STXBP6: variants seen among roughly 807,000 people sequenced by gnomAD.
The protein encoded by STXBP6 is syntaxin-binding protein 6.
Under a neutral mutation model 26.9 loss-of-function variants are expected in STXBP6, and 21 were observed. The ratio of observed to expected loss-of-function variants is 0.78; its 90% CI spans 0.55 to 1.12. STXBP6 has a LOEUF of 1.12. Ranked by LOEUF, STXBP6 falls within the 50% of genes most tolerant of loss-of-function variation. The pLI is 0.00. For synonymous variants in STXBP6, 97 were observed against 92.6 expected, an observed-to-expected ratio of 1.05 and a Z score of -0.27; for missense variants, 232 against 257.9, an observed-to-expected ratio of 0.90 and a Z score of 0.69.
rs532495154 is a variant in STXBP6, at chr14:24,827,357, C to T, written c.452-8163G>A. ...AGTAATAACTGATTCATTCAGCTCACTTATTACAGAACATGTGCCAGACAC... is the reference window on the plus strand; with the variant it reads ...AGTAATAACTGATTCATTCAGCTCATTTATTACAGAACATGTGCCAGACAC... On this transcript the variant is annotated intron_variant, in intron 4 of 5. Transcript: ENST00000323944. Among the ~76,000 whole-genome samples the T allele has an allele frequency of 8.5e-5, 13 of 152,304 alleles. No individual in the cohort carries two copies. The East Asian group carries it at 2.5e-3, about 29-fold the overall frequency.
rs1325014270 is a variant in STXBP6, at chr14:24,812,173, T to A, written c.*536A>T. 6.6e-6 allele frequency: 1 copy of A among 151,916 alleles called. No homozygotes were observed. Among genetic ancestry groups the A allele is most frequent in the Non-Finnish European group, 1.5e-5 (1 of 68,054 alleles). The allele number at this position is 151,916 out of a possible 1,614,324, so 9.4% of individuals were successfully genotyped here. A position where few individuals can be genotyped will look rare whatever the true frequency, so the allele number is the denominator to read the frequency against. On this transcript the variant is annotated 3_prime_UTR_variant, in exon 6 of 6. Coordinates refer to ENST00000323944, the MANE Select transcript of STXBP6 (RefSeq NM_001394410.1). ...AATCTAAGACTGCTGTTTTTCCCAA[T>A]AAATTCAATTGTTTTCCACAATGTA...
intron 1 of STXBP6, among the ~76,000 whole-genome samples, chr14:25,010,877 C>T (rs954254919): frequency 2.0e-5 from 3 of 152,038 alleles, no homozygotes; most frequent in Non-Finnish European, 2.9e-5. Context: ...TTTCAAAGCC[C>T]ATCCTATGAA....
At chr14:24,856,959 A>G (rs1225715288) in intron 3 of STXBP6, 68 bp downstream of exon 3, 1 of 1,569,240 alleles carries the variant, frequency 6.4e-7, no homozygotes, top group East Asian at 2.3e-5. Flanking sequence ...CACTACCACT[A>G]CCAAGGTCAA....
chr14:25,031,847 G>A (rs925389378), intron 1 of STXBP6, among the ~76,000 whole-genome samples: 4 of 151,686 alleles, frequency 2.6e-5, no homozygotes, highest in African/African-American at 9.7e-5. Flanking sequence ...TCAACAGCAT[G>A]CTTAGGACAA....
At chr14:24,898,535 G>A (rs550991675) in intron 2 of STXBP6, among the ~76,000 whole-genome samples, 31 of 152,192 alleles carry the variant, frequency 2.0e-4, no homozygotes, top group Admixed American at 1.4e-3. Context: ...AAACTAGCTG[G>A]GCGTGGTGGC....
Position 24,925,552 on chromosome 14 carries a change from C to T in STXBP6, c.154+49113G>A, listed in dbSNP as rs913586385. The stretch of plus-strand genomic sequence containing the variant: ...GAAGCCTCTGTCCTGTTCAGTCCAA[C>T]AGCTGTCCCGTCCCCAAGGAGGTAC... On this transcript the variant is annotated intron_variant, in intron 2 of 5. Coordinates refer to ENST00000323944, the MANE Select transcript of STXBP6 (RefSeq NM_001394410.1). Among the ~76,000 whole-genome samples, 15 of 152,314 alleles carry T rather than the reference C, an allele frequency of 9.8e-5. No homozygotes were observed. The South Asian group carries it at 1.0e-3, about 11-fold the overall frequency.
At chr14:24,838,505 G>A (rs2068690635) in intron 4 of STXBP6, among the ~76,000 whole-genome samples, 2 of 152,052 alleles carry the variant, frequency 1.3e-5, no homozygotes, top group Non-Finnish European at 2.9e-5. Context: ...CCAATACGGT[G>A]AAACCCCATC....
intron 1 of STXBP6, among the ~76,000 whole-genome samples, chr14:25,032,189 A>G (rs937008794): frequency 6.6e-6 from 1 of 152,210 alleles, no homozygotes; most frequent in African/African-American, 2.4e-5. Context: ...AAGGCATTCT[A>G]TTCTGCAGAG....
At chr14:25,037,284 TC>T (rs2140491522) in intron 1 of STXBP6, among the ~76,000 whole-genome samples, 1 of 152,308 alleles carries the variant, frequency 6.6e-6, no homozygotes, top group South Asian at 2.1e-4. Context: ...AACCAGAACT[TC>T]ACTATCAGCA....
intron 2 of STXBP6, among the ~76,000 whole-genome samples, chr14:24,948,689 C>T (rs966867762): frequency 1.3e-5 from 2 of 152,160 alleles, no homozygotes; most frequent in Non-Finnish European, 2.9e-5. Flanking sequence ...CCTGGATTAA[C>T]CAGAGACCGC....
chr14:24,932,175 A>G (rs533453738), intron 2 of STXBP6, among the ~76,000 whole-genome samples: 61 of 152,246 alleles, frequency 4.0e-4, no homozygotes, highest in Non-Finnish European at 7.9e-4. Context: ...TTGGGAGGCC[A>G]AGGCGGGCAG....
At chr14:24,818,520 C>T (rs2138726515) in intron 5 of STXBP6, among the ~76,000 whole-genome samples, 1 of 152,284 alleles carries the variant, frequency 6.6e-6, no homozygotes, top group East Asian at 1.9e-4. Flanking sequence ...CAATCGACCC[C>T]TCTCCGAGGG....
chr14:24,876,057 T>C (rs2070133014), intron 2 of STXBP6, among the ~76,000 whole-genome samples: 1 of 152,094 alleles, frequency 6.6e-6, no homozygotes, highest in Non-Finnish European at 1.5e-5. Context: ...ACAGCTTCTT[T>C]ATGAAAGCAG....
intron 2 of STXBP6, among the ~76,000 whole-genome samples, chr14:24,863,778 C>A (rs1211006470): frequency 6.6e-6 from 1 of 152,140 alleles, no homozygotes; most frequent in Non-Finnish European, 1.5e-5. Flanking sequence ...CTTCCTTAGA[C>A]ATTTCTCCAT....
rs143564272 is a variant in STXBP6 at position 24,833,484 on chromosome 14, G to C, written c.452-14290C>G. ...TTTTTGTTATCTCCAGGCAAAACGTGTACAAATTAGTAAGTGTACAATAGT... is the reference window on the plus strand; with the variant it reads ...TTTTTGTTATCTCCAGGCAAAACGTCTACAAATTAGTAAGTGTACAATAGT... On this transcript the variant is annotated intron_variant, in intron 4 of 5. Coordinates refer to ENST00000323944, the MANE Select transcript of STXBP6 (RefSeq NM_001394410.1). Among the ~76,000 whole-genome samples the C allele has an allele frequency of 3.9e-3, 590 of 152,260 alleles. 7 individuals are homozygous for C. The highest frequency in any genetic ancestry group is 0.014 in the African/African-American group (566 of 41,546).
At chr14:24,867,548 GAGA>G (rs1018214629) in intron 2 of STXBP6, among the ~76,000 whole-genome samples, 10 of 152,102 alleles carry the variant, frequency 6.6e-5, no homozygotes, top group Admixed American at 3.3e-4. Context: ...CAATGCTATG[GAGA>G]AAGGACAGTC....
chr14:24,864,472 C>G (rs936286770), intron 2 of STXBP6, among the ~76,000 whole-genome samples: 1 of 152,100 alleles, frequency 6.6e-6, no homozygotes, highest in Admixed American at 6.6e-5. Context: ...GCTAAGGAAG[C>G]AGGTGAGGGA....
At chr14:25,021,055 T>C (rs1224240322) in intron 1 of STXBP6, among the ~76,000 whole-genome samples, 1 of 152,122 alleles carries the variant, frequency 6.6e-6, no homozygotes, top group South Asian at 2.1e-4. Context: ...CAATGACTAG[T>C]TCACTCTTAA....
chr14:24,990,142 T>C (rs2074428964), intron 1 of STXBP6, among the ~76,000 whole-genome samples: 1 of 152,164 alleles, frequency 6.6e-6, no homozygotes, highest in Non-Finnish European at 1.5e-5. Flanking sequence ...AGGAGATCTT[T>C]AGAACTGTGT....
Sources: allele counts gnomAD v4.1 joint callset (sites outside exome capture counted in the v4.1 genomes callset), GRCh38; gene constraint gnomAD v4.1.1; transcripts MANE v1.5; gene names NCBI Gene and HGNC (gene_info 2026-07-23, HGNC 2026-07-21).